The following COL26A1 variants were observed in gnomAD, a reference collection of about 807,000 sequenced individuals.
COL26A1 encodes collagen alpha-1(XXVI) chain.
In COL26A1, 41 loss-of-function variants were observed where a neutral mutation model predicts 59.3. That is an observed-to-expected ratio of 0.69 (90% CI 0.54 to 0.90). COL26A1 has a LOEUF of 0.90. COL26A1 is among the 40% of genes least tolerant of loss of function. The pLI, the probability that COL26A1 is intolerant of heterozygous loss-of-function variation, is 0.00. For missense variants in COL26A1, 612 were observed against 602.3 expected, an observed-to-expected ratio of 1.02 and a Z score of -0.17; for synonymous variants, 266 against 256.0, an observed-to-expected ratio of 1.04 and a Z score of -0.37.
intron 3 of COL26A1, among the ~76,000 whole-genome samples, chr7:101,520,660 A>ACACACACACACACC (rs1332257350): frequency 1.9e-4 from 27 of 141,744 alleles, no homozygotes; most frequent in African/African-American, 6.9e-4. Flanking sequence ...ACACACACAC[A>ACACACACACACACC]CACCCCCGTG....
At chr7:101,510,970 G>A (rs1376457314) in intron 3 of COL26A1, among the ~76,000 whole-genome samples, 3 of 144,516 alleles carry the variant, frequency 2.1e-5, no homozygotes, top group Non-Finnish European at 4.5e-5. Context: ...GCACGATGTC[G>A]GCTCACTGCA....
In COL26A1 at chr7:101,558,971, A is replaced by C. The variant is rs995412596; in HGVS notation, c.*1441A>C. On this transcript the variant is annotated 3_prime_UTR_variant, in exon 13 of 13. Coordinates refer to ENST00000313669, the MANE Select transcript of COL26A1 (RefSeq NM_001278563.3). ...GGAGGGGTGGTCAGAGGCGGGCGGG[A>C]CCACCAGCCTGTAGCGTTATTATTA... The C allele has an allele frequency of 9.9e-5, 15 of 152,214 alleles. No homozygotes were observed. Among genetic ancestry groups the C allele is most frequent in the African/African-American group, 3.6e-4 (15 of 41,388 alleles). The allele number at this position is 152,214 out of a possible 1,614,324, so 9.4% of individuals were successfully genotyped here.
chr7:101,443,871 TC>T (rs1287272280), intron 2 of COL26A1, among the ~76,000 whole-genome samples: 6 of 133,324 alleles, frequency 4.5e-5, no homozygotes, highest in Admixed American at 9.1e-5. Context: ...CTTTTTCTTT[TC>T]TTTTTTTTTT....
At chr7:101,549,538 GC>G (rs1795817217) in intron 9 of COL26A1, among the ~76,000 whole-genome samples, 1 of 152,010 alleles carries the variant, frequency 6.6e-6, no homozygotes, top group Non-Finnish European at 1.5e-5. Context: ...ACGCCACCAC[GC>G]CCAGCTAATT....
intron 3 of COL26A1, among the ~76,000 whole-genome samples, chr7:101,524,892 C>T (rs1351811395): frequency 6.6e-6 from 1 of 152,092 alleles, no homozygotes; most frequent in Non-Finnish European, 1.5e-5. Context: ...ACCCATCAAC[C>T]TTGAATAAGG....
intron 8 of COL26A1, among the ~76,000 whole-genome samples, chr7:101,547,454 C>T (rs1401298796): frequency 6.6e-6 from 1 of 152,242 alleles, no homozygotes; most frequent in African/African-American, 2.4e-5. Context: ...ATGAAACCCA[C>T]GTGATTCTGC....
At chr7:101,412,978 G>A (rs539725151) in intron 1 of COL26A1, among the ~76,000 whole-genome samples, 11 of 152,328 alleles carry the variant, frequency 7.2e-5, no homozygotes, top group African/African-American at 1.7e-4. Flanking sequence ...GTCACATTCC[G>A]AGATGGGCAT....
At chr7:101,412,191 C>A (rs35337501) in intron 1 of COL26A1, among the ~76,000 whole-genome samples, 1 of 151,962 alleles carries the variant, frequency 6.6e-6, no homozygotes, top group Non-Finnish European at 1.5e-5. Context: ...GGGGCAGAAG[C>A]GCCTCCCCAT....
intron 3 of COL26A1, among the ~76,000 whole-genome samples, chr7:101,512,456 C>CA (rs5886197): frequency 0.46 from 69,198 of 151,646 alleles, 16,337 homozygotes; most frequent in Middle Eastern, 0.61. Flanking sequence ...CCTGTCTCTA[C>CA]AAAAAAATAA....
chr7:101,454,183 G>C (rs529748751), intron 3 of COL26A1, among the ~76,000 whole-genome samples: 1 of 152,060 alleles, frequency 6.6e-6, no homozygotes, highest in Non-Finnish European at 1.5e-5. Flanking sequence ...GTCAAACCAG[G>C]TGACACCCTG....
chr7:101,431,173 T>G (rs1584401530), intron 2 of COL26A1, among the ~76,000 whole-genome samples: 1 of 152,180 alleles, frequency 6.6e-6, no homozygotes, highest in African/African-American at 2.4e-5. Flanking sequence ...ATAGGAGTGG[T>G]AAGTGTGGAG....
chr7:101,418,053 C>T (rs114431394), intron 1 of COL26A1, among the ~76,000 whole-genome samples: 2 of 152,184 alleles, frequency 1.3e-5, no homozygotes, highest in African/African-American at 4.8e-5. Context: ...TAGAGACAAA[C>T]AGGATCTTGC....
intron 2 of COL26A1, among the ~76,000 whole-genome samples, chr7:101,440,314 T>G (rs1454664077): frequency 6.6e-6 from 1 of 151,820 alleles, no homozygotes; most frequent in South Asian, 2.1e-4. Flanking sequence ...TGCAGGGAGC[T>G]GAGATCGCGT....
chr7:101,389,711 G>A (rs1791680978), intron 1 of COL26A1, among the ~76,000 whole-genome samples: 1 of 152,054 alleles, frequency 6.6e-6, no homozygotes, highest in African/African-American at 2.4e-5. Context: ...GCGCCACCAT[G>A]CCCAGCTAAT....
intron 3 of COL26A1, among the ~76,000 whole-genome samples, chr7:101,451,713 T>C (rs1018242978): frequency 6.6e-6 from 1 of 150,618 alleles, no homozygotes. Flanking sequence ...GCATCTTTTT[T>C]TTTTTTTTTT....
At position 101,471,911 on chromosome 7, in the gene COL26A1, G is replaced by T. The variant is rs575141009; in HGVS notation, c.385+24124G>T. Among the ~76,000 whole-genome samples, 15 of 151,698 alleles carry T rather than the reference G, an allele frequency of 9.9e-5. No homozygotes were observed. The South Asian group carries it at 2.1e-3, about 21-fold the overall frequency. On this transcript the variant is annotated intron_variant, in intron 3 of 12. Coordinates refer to ENST00000313669, the MANE Select transcript of COL26A1 (RefSeq NM_001278563.3). ...AGGTCTTACATGCTTTATTCCAAAGGTTTGTGATCAGGTTGTGACAGGCAA... is the reference window on the plus strand; with the variant it reads ...AGGTCTTACATGCTTTATTCCAAAGTTTTGTGATCAGGTTGTGACAGGCAA...
At chr7:101,522,013 A>G (rs1467058586) in intron 3 of COL26A1, among the ~76,000 whole-genome samples, 2 of 152,164 alleles carry the variant, frequency 1.3e-5, no homozygotes, top group East Asian at 3.8e-4. Flanking sequence ...CCAGTTGGCC[A>G]TTAATAGGAA....
At chr7:101,549,301 G>A (rs1795811472) in intron 9 of COL26A1, 78 bp downstream of exon 9, 5 of 950,112 alleles carry the variant, frequency 5.3e-6, no homozygotes, top group Admixed American at 2.2e-5. Flanking sequence ...GGGAGAAGAA[G>A]CACCTTTTTA....
At position 101,488,371 on chromosome 7, in the gene COL26A1, TATATATAC is replaced by T. The variant is rs201295500; in HGVS notation, c.385+40586_385+40593del. 5.0e-3 allele frequency among the ~76,000 whole-genome samples: 588 copies of T among 118,522 alleles called. 4 individuals are homozygous for T. Among genetic ancestry groups the T allele is most frequent in the South Asian group, 9.3e-3 (34 of 3,642 alleles). 77.8% of individuals were successfully genotyped at this position (118,522 alleles called of 152,430 possible). ...TTTAATATATATATATATATATATA[TATATATAC>T]ACACACATTTTTTTTTTCCAGAGTC... On this transcript the variant is annotated intron_variant, in intron 3 of 12. Transcript: ENST00000313669.
Sources: gnomAD v4.1 joint callset for allele counts (sites outside exome capture counted in the v4.1 genomes callset) on GRCh38, gnomAD v4.1.1 for gene constraint, MANE v1.5 for transcripts, NCBI Gene and HGNC (gene_info 2026-07-23, HGNC 2026-07-21) for gene names.